Variants in RHPN2 observed in about 807,000 individuals in gnomAD.
RHPN2 encodes rhophilin Rho GTPase binding protein 2.
RHPN2 carries 40 observed loss-of-function variants against 79.0 expected under a neutral mutation model. The observed-to-expected ratio is 0.51, with a 90% CI of 0.39 to 0.66. The LOEUF (loss-of-function observed/expected upper bound fraction) is 0.66, where lower values mean the gene tolerates loss of function less well. Among genes scored for constraint, RHPN2 ranks in the 30% least tolerant of loss-of-function variants. The pLI is 0.00. For synonymous variants in RHPN2, 285 were observed against 363.5 expected (o/e 0.78, Z 2.46); for missense variants, 686 against 883.5 (o/e 0.78, Z 2.83).
chr19:33,003,102 T>C (rs767258567), intron 7 of RHPN2, 102 bp from the exon 8 acceptor site: 220 of 1,036,616 alleles, frequency 2.1e-4, no homozygotes, highest in Non-Finnish European at 2.4e-4. Context: ...CTCATGCCCA[T>C]AATCCCAACA....
At chr19:33,033,886 T>C (rs553844516) in intron 2 of RHPN2, among the ~76,000 whole-genome samples, 7 of 151,714 alleles carry the variant, frequency 4.6e-5, no homozygotes, top group African/African-American at 1.7e-4. Context: ...AAAAATAAAA[T>C]AAAATAAAAA....
chr19:33,061,704 G>A (rs1489402264), intron 1 of RHPN2, among the ~76,000 whole-genome samples: 5 of 152,012 alleles, frequency 3.3e-5, no homozygotes, highest in South Asian at 2.1e-4. Context: ...GGCTGGTCTC[G>A]AACTCCTGAT....
intron 1 of RHPN2, among the ~76,000 whole-genome samples, chr19:33,060,123 G>A (rs984625909): frequency 2.6e-5 from 4 of 152,174 alleles, no homozygotes; most frequent in African/African-American, 9.6e-5. Context: ...TTGAGGAGGC[G>A]CATGACCAGA....
intron 1 of RHPN2, among the ~76,000 whole-genome samples, chr19:33,064,531 C>T (rs1972310280): frequency 6.6e-6 from 1 of 152,172 alleles, no homozygotes; most frequent in African/African-American, 2.4e-5. Context: ...TCCGCCCGCA[C>T]CTGCGCGGAG....
intron 1 of RHPN2, among the ~76,000 whole-genome samples, chr19:33,060,919 C>T: frequency 6.6e-6 from 1 of 152,172 alleles, no homozygotes; most frequent in Non-Finnish European, 1.5e-5. Flanking sequence ...GCTAAATCCT[C>T]CCAATGCCTC....
intron 3 of RHPN2, among the ~76,000 whole-genome samples, chr19:33,023,795 A>AG (rs1971944793): frequency 2.6e-5 from 4 of 151,440 alleles, no homozygotes; most frequent in Admixed American, 2.0e-4. Flanking sequence ...AAAAAAAAAA[A>AG]AAAAGAAAAA....
At chr19:32,993,453 A>G (rs1971677114) in intron 12 of RHPN2, among the ~76,000 whole-genome samples, 1 of 152,168 alleles carries the variant, frequency 6.6e-6, no homozygotes, top group African/African-American at 2.4e-5. Flanking sequence ...CAGCCTGGGC[A>G]ACAGAGTGAG....
chr19:33,011,263 G>A (rs1599817217), intron 6 of RHPN2, among the ~76,000 whole-genome samples: 1 of 152,204 alleles, frequency 6.6e-6, no homozygotes, highest in East Asian at 1.9e-4. Context: ...ATCTATTTCT[G>A]TTTGGTGCTT....
In RHPN2 at chr19:32,979,824, T is replaced by C; in HGVS notation, c.*172A>G. 2.6e-6 allele frequency: 2 copies of C among 781,384 alleles called. No homozygotes were observed. Among genetic ancestry groups the C allele is most frequent in the Non-Finnish European group, 4.1e-6 (2 of 487,592 alleles). 48.4% of individuals were successfully genotyped at this position (781,384 alleles called of 1,614,324 possible). On this transcript the variant is annotated 3_prime_UTR_variant, in exon 15 of 15. Coordinates refer to ENST00000254260, the MANE Select transcript of RHPN2 (RefSeq NM_033103.5). ...AAAAAGTTCTTTTTTCACTAATTCC[T>C]AGAGGTTTCTTGGTTACTTTCCTTC...
chr19:33,001,373 T>C (rs28633567), intron 9 of RHPN2, among the ~76,000 whole-genome samples: 121,130 of 151,600 alleles, frequency 0.8, 49,223 homozygotes, highest in African/African-American at 0.95. Context: ...TCCATCTCTA[T>C]AAAAAAAAAA....
chr19:33,054,892 C>T (rs551044939), intron 1 of RHPN2, among the ~76,000 whole-genome samples: 1 of 152,284 alleles, frequency 6.6e-6, no homozygotes, highest in South Asian at 2.1e-4. Flanking sequence ...TGTCTCTCCT[C>T]TGAGTCACCC....
At chr19:33,032,865 G>A (rs1254848896) in intron 2 of RHPN2, among the ~76,000 whole-genome samples, 1 of 152,114 alleles carries the variant, frequency 6.6e-6, no homozygotes, top group Non-Finnish European at 1.5e-5. Flanking sequence ...TGCCTGCCAG[G>A]AAGCTCAGAG....
intron 2 of RHPN2, among the ~76,000 whole-genome samples, 169 bp downstream of exon 2, chr19:33,044,080 G>A (rs1479807617): frequency 6.7e-6 from 1 of 150,336 alleles, no homozygotes; most frequent in South Asian, 2.1e-4. Context: ...ACAAACAGGC[G>A]GGGTAAAATA....
At chr19:32,994,201 G>A in intron 11 of RHPN2, 148 bp from the exon 12 acceptor site, 1 of 653,880 alleles carries the variant, frequency 1.5e-6, no homozygotes, top group Non-Finnish European at 2.9e-6. Flanking sequence ...TTCAAGACCA[G>A]TCTAGCCAGC....
chr19:32,999,454 C>T, intron 10 of RHPN2, 132 bp downstream of exon 10: 1 of 1,170,640 alleles, frequency 8.5e-7, no homozygotes, highest in South Asian at 1.3e-5. Context: ...ACTTCTGAAC[C>T]CAAAGTGGCC....
At position 33,003,008 on chromosome 19, in the gene RHPN2, T is replaced by A. The variant is rs768208511; in HGVS notation, c.761-8A>T. The A allele has an allele frequency of 2.5e-6, 4 of 1,613,184 alleles. No individual in the cohort carries two copies. In the Admixed American group the frequency reaches 6.7e-5, roughly 27 times the overall value. On this transcript the variant is annotated splice_polypyrimidine_tract_variant and splice_region_variant and intron_variant, in intron 7 of 14. Coordinates refer to ENST00000254260, the MANE Select transcript of RHPN2 (RefSeq NM_033103.5). ...TCAGGTAATTTAAAACCCCTAAAAGTGGAAAATGTTTTGCCCATTAGTTCG... is the reference window on the plus strand; with the variant it reads ...TCAGGTAATTTAAAACCCCTAAAAGAGGAAAATGTTTTGCCCATTAGTTCG...
At chr19:33,020,743 C>T (rs10410582) in intron 4 of RHPN2, among the ~76,000 whole-genome samples, 46,380 of 152,036 alleles carry the variant, frequency 0.31, 8,364 homozygotes, top group East Asian at 0.49. Flanking sequence ...TCAAGTGATC[C>T]GCCTGCTTCA....
Position 33,021,580 on chromosome 19 carries a change from G to A in RHPN2, c.381C>T (p.Val127=), listed in dbSNP as rs1342967070. Reference sequence around the variant, plus strand: ...TGGCTTTGAGATTTACCTTGAGGACGACTGCAAAGTCGACGTCTTTCGTTT... The same window carrying A: ...TGGCTTTGAGATTTACCTTGAGGACAACTGCAAAGTCGACGTCTTTCGTTT... The part of the protein sequence containing the change: ...LKETKDVDFA[V]VLKDFILEHY... Residue 127 remains valine, a synonymous_variant, in exon 4 of 15, where the codon GTC becomes GTT. Transcript: ENST00000254260. 9 of 1,613,390 alleles carry A rather than the reference G, an allele frequency of 5.6e-6. No individual in the cohort carries two copies. The highest frequency in any genetic ancestry group is 1.6e-4 in the Middle Eastern group (1 of 6,082).
chr19:33,033,017 T>G, intron 2 of RHPN2, among the ~76,000 whole-genome samples: 1 of 152,190 alleles, frequency 6.6e-6, no homozygotes, highest in East Asian at 1.9e-4. Flanking sequence ...ACATGTTGTA[T>G]GAATATGTTA....
Sources: gnomAD v4.1 joint callset for allele counts (sites outside exome capture counted in the v4.1 genomes callset) on GRCh38, gnomAD v4.1.1 for gene constraint, MANE v1.5 for transcripts, NCBI Gene and HGNC (gene_info 2026-07-23, HGNC 2026-07-21) for gene names.